GTF2A1L: variants seen among roughly 807,000 people sequenced by gnomAD.
GTF2A1L encodes the protein TFIIA-alpha and beta-like factor.
Under a neutral mutation model 49.7 loss-of-function variants are expected in GTF2A1L, and 48 were observed. The observed-to-expected ratio is 0.97, with a 90% confidence interval of 0.77 to 1.23. The LOEUF (loss-of-function observed/expected upper bound fraction) is 1.23. GTF2A1L is among the 50% of genes most tolerant of loss of function. The probability of loss-of-function intolerance (pLI) is 0.00; values close to 1 mark genes in which losing one functional copy is unlikely to be tolerated. For missense variants in GTF2A1L, 736 were observed against 564.8 expected (o/e 1.30, Z -3.07); for synonymous variants, 246 against 193.5 (o/e 1.27, Z -2.25).
At chr2:48,634,108 A>G (rs927675402) in intron 3 of GTF2A1L, among the ~76,000 whole-genome samples, 1 of 151,810 alleles carries the variant, frequency 6.6e-6, no homozygotes, top group African/African-American at 2.4e-5. Flanking sequence ...GTTAATATTG[A>G]TATGTGAGGT....
chr2:48,621,624 C>T (rs1314199050), intron 3 of GTF2A1L, among the ~76,000 whole-genome samples: 1 of 152,106 alleles, frequency 6.6e-6, no homozygotes, highest in Non-Finnish European at 1.5e-5. Context: ...TTAGAAGTGG[C>T]AGAGGGAAAG....
intron 8 of GTF2A1L, among the ~76,000 whole-genome samples, chr2:48,678,204 A>C (rs1211005179): frequency 7.9e-5 from 12 of 151,946 alleles, no homozygotes; most frequent in Non-Finnish European, 4.4e-5. Flanking sequence ...TCACTAGATA[A>C]AGGTACCACA....
intron 6 of GTF2A1L, among the ~76,000 whole-genome samples, chr2:48,662,537 C>G (rs981267415): frequency 1.3e-5 from 2 of 151,896 alleles, no homozygotes; most frequent in Non-Finnish European, 2.9e-5. Flanking sequence ...TCAAGGGGAT[C>G]CATGGCAATA....
intron 6 of GTF2A1L, among the ~76,000 whole-genome samples, chr2:48,662,611 G>A (rs1217963916): frequency 6.8e-6 from 1 of 146,956 alleles, no homozygotes; most frequent in African/African-American, 2.5e-5. Flanking sequence ...CTCCCTTATT[G>A]TTGAAAGATA....
At chr2:48,677,897 T>C (rs760514175) in intron 8 of GTF2A1L, among the ~76,000 whole-genome samples, 7 of 151,752 alleles carry the variant, frequency 4.6e-5, no homozygotes, top group Non-Finnish European at 8.8e-5. Context: ...GAAGAATAAG[T>C]GGTCATTTCC....
rs146861249 is a variant in GTF2A1L, at chr2:48,665,974, A to G, written c.979-3748A>G. Among the ~76,000 whole-genome samples the G allele has an allele frequency of 7.0e-3, 1,068 of 152,102 alleles. 12 individuals carry two copies. Among genetic ancestry groups the G allele is most frequent in the African/African-American group, 0.025 (1,021 of 41,508 alleles). ...TACTTTTTAGTTTAGTTTTGAAGCT[A>G]TGTTTGTAGGTATATAAGTATTTAG... On this transcript the variant is annotated intron_variant, in intron 6 of 8. Coordinates refer to ENST00000403751, the MANE Select transcript of GTF2A1L (RefSeq NM_006872.5).
intron 3 of GTF2A1L, among the ~76,000 whole-genome samples, chr2:48,629,297 C>T (rs1572702105): frequency 7.0e-6 from 1 of 143,146 alleles, no homozygotes; most frequent in African/African-American, 2.5e-5. Context: ...TGGCTTGATT[C>T]CTGTCCAAAG....
intron 8 of GTF2A1L, among the ~76,000 whole-genome samples, chr2:48,675,977 A>G (rs536753164): frequency 2.6e-5 from 4 of 152,022 alleles, no homozygotes; most frequent in South Asian, 2.1e-4. Context: ...AAGGTATACA[A>G]TGAAAAGTCT....
chr2:48,647,075 G>T (rs772698788), intron 6 of GTF2A1L, 33 bp downstream of exon 6: 12 of 1,514,328 alleles, frequency 7.9e-6, no homozygotes, highest in Admixed American at 2.1e-5. Context: ...TTGGTATCAG[G>T]GGACAGATAG....
chr2:48,642,586 G>A (rs1677259399), intron 4 of GTF2A1L, 129 bp downstream of exon 4: 3 of 797,796 alleles, frequency 3.8e-6, no homozygotes, highest in Admixed American at 6.0e-5. Flanking sequence ...CGGGCGCGGT[G>A]GCTCACGCCT....
At position 48,627,111 on chromosome 2, in the gene GTF2A1L, A is replaced by G. The variant is rs181300197; in HGVS notation, c.247+5821A>G. ...TACTACCTCGATCTCTTTATTTTTT[A>G]TATCTGTTCCTAAATTCAATCTGTT... is the stretch of plus-strand genomic sequence containing the variant. On this transcript the variant is annotated intron_variant, in intron 3 of 8. Coordinates refer to ENST00000403751, the MANE Select transcript of GTF2A1L (RefSeq NM_006872.5). 1.4e-4 allele frequency among the ~76,000 whole-genome samples: 20 copies of G among 143,392 alleles called. 2 individuals are homozygous for G. In the East Asian group the frequency reaches 3.7e-3, roughly 27 times the overall value. 94.1% of individuals were successfully genotyped at this position (143,392 alleles called of 152,430 possible). A position where few individuals can be genotyped will look rare whatever the true frequency, so the allele number is the denominator to read the frequency against.
At position 48,645,092 on chromosome 2, in the gene GTF2A1L, A is replaced by T. The variant is rs755295242; in HGVS notation, c.363A>T (p.Ala121=). 6.2e-7 allele frequency: 1 copy of T among 1,612,858 alleles called. No individual in the cohort carries two copies. The highest frequency in any genetic ancestry group is 1.1e-5 in the South Asian group (1 of 90,786). ...TFPGYPIHVP[A]GVTLQTVSGH... ...CTGGTTATCCCATTCATGTACCAGCAGGTGTGACACTACAGACTGTATCTG... is the reference window on the plus strand; with the variant it reads ...CTGGTTATCCCATTCATGTACCAGCTGGTGTGACACTACAGACTGTATCTG... The change falls in exon 5 of 9, where the codon GCA becomes GCT. Residue 121 remains alanine, a synonymous_variant. Coordinates refer to ENST00000403751, the MANE Select transcript of GTF2A1L (RefSeq NM_006872.5).
At position 48,679,385 on chromosome 2, in the gene GTF2A1L, G is replaced by C; in HGVS notation, c.1380G>C (p.Met460Ile). The change falls in exon 9 of 9, where the codon ATG becomes ATC. Residue 460 changes from methionine to isoleucine, a missense_variant. By Grantham distance (10) the Met-to-Ile change is conservative. Transcript: ENST00000403751. ...AATTCTATTTGAAAGATGGTGTTATGTGTTTTGGAGGGAGAGACTATGTAT... is the reference window on the plus strand; with the variant it reads ...AATTCTATTTGAAAGATGGTGTTATCTGTTTTGGAGGGAGAGACTATGTAT... ...KWKFYLKDGV[M>I]CFGGRDYVFA... 1 of 1,612,360 alleles carries C rather than the reference G, an allele frequency of 6.2e-7. No homozygotes were observed. Among genetic ancestry groups the C allele is most frequent in the Non-Finnish European group, 8.5e-7 (1 of 1,179,008 alleles).
chr2:48,663,037 C>T (rs11885924), intron 6 of GTF2A1L, among the ~76,000 whole-genome samples: 8,825 of 151,862 alleles, frequency 0.058, 890 homozygotes, highest in African/African-American at 0.2. Context: ...ACATAACAAA[C>T]CTGTACATAT....
At chr2:48,656,527 T>C (rs945258330) in intron 6 of GTF2A1L, among the ~76,000 whole-genome samples, 2 of 152,112 alleles carry the variant, frequency 1.3e-5, no homozygotes, top group Admixed American at 6.5e-5. Context: ...CCTTTGCCCA[T>C]TTTTTTAAAA....
chr2:48,666,729 T>C (rs2104293067), intron 6 of GTF2A1L, among the ~76,000 whole-genome samples: 1 of 152,200 alleles, frequency 6.6e-6, no homozygotes, highest in African/African-American at 2.4e-5. Flanking sequence ...TACTCTCATA[T>C]TGTGGTTTTT....
chr2:48,666,714 A>G (rs1346119864), intron 6 of GTF2A1L, among the ~76,000 whole-genome samples: 3 of 151,578 alleles, frequency 2.0e-5, no homozygotes, highest in African/African-American at 4.9e-5. Flanking sequence ...TTCACATGAA[A>G]TTTTTACTCT....
At chr2:48,664,988 C>G (rs1288658924) in intron 6 of GTF2A1L, among the ~76,000 whole-genome samples, 3 of 152,076 alleles carry the variant, frequency 2.0e-5, no homozygotes, top group Non-Finnish European at 4.4e-5. Context: ...GTGGTATGAT[C>G]TCGGCTCACT....
intron 6 of GTF2A1L, among the ~76,000 whole-genome samples, chr2:48,665,070 T>A (rs971466470): frequency 1.3e-5 from 2 of 151,902 alleles, no homozygotes; most frequent in African/African-American, 4.8e-5. Flanking sequence ...TACAGGTGTG[T>A]GCCACCACAC....
Sources: allele counts gnomAD v4.1 joint callset (sites outside exome capture counted in the v4.1 genomes callset), GRCh38; gene constraint gnomAD v4.1.1; transcripts MANE v1.5; gene names NCBI Gene and HGNC (gene_info 2026-07-23, HGNC 2026-07-21).